Variants in RGS7 observed in about 807,000 individuals in gnomAD.
The protein encoded by RGS7 is regulator of G protein signaling 7.
In RGS7, 27 loss-of-function variants were observed where a neutral mutation model predicts 81.1. That is an observed-to-expected ratio of 0.33 (90% CI 0.25 to 0.46). RGS7 has a LOEUF of 0.46. RGS7 is among the 20% of genes least tolerant of loss of function. The probability of loss-of-function intolerance (pLI) is 1.00; values close to 1 mark genes in which losing one functional copy is unlikely to be tolerated. For missense variants in RGS7, 396 were observed against 607.4 expected, an observed-to-expected ratio of 0.65 and a Z score of 3.66; for synonymous variants, 208 against 207.7, an observed-to-expected ratio of 1.00 and a Z score of -0.01.
At chr1:240,967,569 G>GA (rs1491089446) in intron 4 of RGS7, among the ~76,000 whole-genome samples, 1 of 96,032 alleles carries the variant, frequency 1.0e-5, no homozygotes, top group Non-Finnish European at 2.2e-5. Context: ...GCCAAGAAGT[G>GA]GGGGGGGGGG....
intron 6 of RGS7, among the ~76,000 whole-genome samples, chr1:240,875,629 A>T (rs184618230): frequency 6.6e-6 from 1 of 152,210 alleles, no homozygotes; most frequent in Admixed American, 6.5e-5. Context: ...TAATGGCCGT[A>T]CTAATTTACA....
chr1:241,327,038 GGGAGGGAGGGGAAAGGAAGGAA>G (rs1448880170), intron 2 of RGS7, among the ~76,000 whole-genome samples: 186 of 37,592 alleles, frequency 4.9e-3, no homozygotes, highest in South Asian at 8.4e-3. Context: ...AAGGAAGGAA[GGGAGGGAGGGGAAAGGAAGGAA>G]GAAGGAAGGA....
At chr1:241,062,376 T>G (rs578008008) in intron 3 of RGS7, among the ~76,000 whole-genome samples, 1 of 152,228 alleles carries the variant, frequency 6.6e-6, no homozygotes, top group East Asian at 1.9e-4. Context: ...GTCAAAAAGA[T>G]TCATCAAGTC....
At chr1:240,820,356 A>G (rs998550501) in intron 10 of RGS7, among the ~76,000 whole-genome samples, 6 of 152,322 alleles carry the variant, frequency 3.9e-5, no homozygotes, top group African/African-American at 1.4e-4. Context: ...ATGCAGTGCC[A>G]TCTATTTATT....
chr1:240,917,791 T>C (rs1444307220), intron 6 of RGS7, among the ~76,000 whole-genome samples: 1 of 152,124 alleles, frequency 6.6e-6, no homozygotes, highest in Non-Finnish European at 1.5e-5. Context: ...TAAATGTGAA[T>C]GATATACATC....
At chr1:241,141,885 T>C (rs1479763173) in intron 2 of RGS7, among the ~76,000 whole-genome samples, 2 of 152,322 alleles carry the variant, frequency 1.3e-5, no homozygotes, top group East Asian at 3.9e-4. Context: ...GCAGGTCTCT[T>C]CCACCTATGA....
chr1:240,782,790 C>G (rs975191841), intron 18 of RGS7, among the ~76,000 whole-genome samples: 2 of 152,142 alleles, frequency 1.3e-5, no homozygotes, highest in African/African-American at 4.8e-5. Flanking sequence ...CTAACAAACC[C>G]TATCAATGGC....
chr1:241,298,833 A>T (rs1250040964), intron 2 of RGS7, among the ~76,000 whole-genome samples: 1 of 152,242 alleles, frequency 6.6e-6, no homozygotes, highest in Non-Finnish European at 1.5e-5. Flanking sequence ...CTCTTCCAGC[A>T]TCTCCTGGAC....
intron 3 of RGS7, among the ~76,000 whole-genome samples, chr1:241,036,904 C>A (rs1027832791): frequency 2.0e-5 from 3 of 152,116 alleles, no homozygotes; most frequent in African/African-American, 4.8e-5. Flanking sequence ...ACTCCACTAA[C>A]AAGAATGGTG....
chr1:241,259,691 A>C (rs1192257423), intron 2 of RGS7, among the ~76,000 whole-genome samples: 1 of 134,214 alleles, frequency 7.5e-6, no homozygotes, highest in Non-Finnish European at 1.6e-5. Flanking sequence ...TATATAATTA[A>C]AATACCAATC....
chr1:241,314,461 T>G (rs1467118208), intron 2 of RGS7, among the ~76,000 whole-genome samples: 4 of 152,358 alleles, frequency 2.6e-5, no homozygotes, highest in African/African-American at 9.6e-5. Context: ...AGCCATAATG[T>G]TCTTTGACAC....
intron 2 of RGS7, among the ~76,000 whole-genome samples, chr1:241,196,991 TA>T (rs34557484): frequency 0.24 from 31,910 of 132,482 alleles, 3,734 homozygotes; most frequent in Admixed American, 0.31. Context: ...CAAAAGAATG[TA>T]AAAAAAAAAA....
intron 6 of RGS7, among the ~76,000 whole-genome samples, chr1:240,911,880 G>T (rs773918186): frequency 6.6e-6 from 1 of 151,738 alleles, no homozygotes; most frequent in Non-Finnish European, 1.5e-5. Flanking sequence ...AGTGGCTCAC[G>T]CCTGTAATCC....
At chr1:240,806,468 T>TG in intron 14 of RGS7, 142 bp from the exon 15 acceptor site, 2 of 696,116 alleles carry the variant, frequency 2.9e-6, no homozygotes, top group Non-Finnish European at 5.1e-6. Flanking sequence ...AGGGTGGTAC[T>TG]GACTGTGTTC....
At chr1:241,042,268 A>G (rs1441647597) in intron 3 of RGS7, among the ~76,000 whole-genome samples, 4 of 145,500 alleles carry the variant, frequency 2.7e-5, no homozygotes, top group Admixed American at 1.3e-4. Flanking sequence ...ATAAAAAGGG[A>G]TTATAATAAA....
chr1:241,066,570 T>G (rs984317635), intron 3 of RGS7, among the ~76,000 whole-genome samples: 1 of 152,232 alleles, frequency 6.6e-6, no homozygotes, highest in Non-Finnish European at 1.5e-5. Flanking sequence ...GTGTCTTTCT[T>G]AAGTTCTTGC....
At chr1:241,231,778 T>C (rs1286351420) in intron 2 of RGS7, among the ~76,000 whole-genome samples, 1 of 152,264 alleles carries the variant, frequency 6.6e-6, no homozygotes, top group African/African-American at 2.4e-5. Flanking sequence ...AAGATATGGC[T>C]TGGCTGTTTT....
chr1:240,878,911 T>C lies in RGS7; in HGVS notation c.386-8792A>G, dbSNP rs973737813. Among the ~76,000 whole-genome samples, 15 of 146,904 alleles carry C rather than the reference T, an allele frequency of 1.0e-4. 2 individuals carry two copies. Among genetic ancestry groups the C allele is most frequent in the Admixed American group, 7.9e-4 (12 of 15,124 alleles). On this transcript the variant is annotated intron_variant, in intron 6 of 18. Transcript: ENST00000440928. ...ATATCCCTATTACTAAATACACAAG[T>C]TTTTTTTCTTTTTATTTTTTCCTTT...
intron 14 of RGS7, among the ~76,000 whole-genome samples, chr1:240,810,200 T>A (rs1689597068): frequency 6.6e-6 from 1 of 152,118 alleles, no homozygotes; most frequent in African/African-American, 2.4e-5. Flanking sequence ...TAAACACCCA[T>A]GATTTTGTGC....
Sources: allele counts gnomAD v4.1 joint callset (sites outside exome capture counted in the v4.1 genomes callset), GRCh38; gene constraint gnomAD v4.1.1; transcripts MANE v1.5; gene names NCBI Gene and HGNC (gene_info 2026-07-23, HGNC 2026-07-21).